The following PZP variants were observed in gnomAD, a reference collection of about 807,000 sequenced individuals.
PZP encodes PZP alpha-2-macroglobulin like.
A neutral mutation model predicts 179.8 loss-of-function variants in PZP; 150 were observed. That is an observed-to-expected ratio of 0.83 (90% CI 0.73 to 0.96). The LOEUF is 0.96. Among genes scored for constraint, PZP ranks in the 40% least tolerant of loss-of-function variants. The probability of loss-of-function intolerance (pLI) is 0.00; values close to 1 mark genes in which losing one functional copy is unlikely to be tolerated. For synonymous variants in PZP, 624 were observed against 652.3 expected (o/e 0.96, Z 0.66); for missense variants, 1,689 against 1,764.0 (o/e 0.96, Z 0.76).
At position 9,197,772 on chromosome 12, in the gene PZP, C is replaced by T. The variant is rs1459474386; in HGVS notation, c.756-649G>A. ...ATAATATATATAATTATATATTATA[C>T]AATACATAATATATATAATTATATA... On this transcript the variant is annotated intron_variant, in intron 7 of 35. Transcript: ENST00000261336. Among the ~76,000 whole-genome samples, 5 of 79,888 alleles carry T rather than the reference C, an allele frequency of 6.3e-5. No individual in the cohort carries two copies. In the South Asian group the frequency reaches 1.8e-3, roughly 29 times the overall value. 52.4% of individuals were successfully genotyped at this position (79,888 alleles called of 152,430 possible). A position where few individuals can be genotyped will look rare whatever the true frequency, so the allele number is the denominator to read the frequency against.
In PZP at chr12:9,198,259, G is replaced by A. The variant is rs774409179; in HGVS notation, c.756-1136C>T. On this transcript the variant is annotated intron_variant, in intron 7 of 35. Transcript: ENST00000261336. ...CTAGCTACTTAAGGAGGTTTAGGCA[G>A]GAGATTCACATAAGCCCAGGAGTTT... Among the ~76,000 whole-genome samples the A allele has an allele frequency of 3.3e-5, 5 of 151,996 alleles. No individual in the cohort carries two copies. The East Asian group carries it at 9.7e-4, about 29-fold the overall frequency.
intron 14 of PZP, 55 bp downstream of exon 14, chr12:9,181,920 G>T: frequency 6.4e-7 from 1 of 1,556,946 alleles, no homozygotes. Context: ...TAAAATAGAT[G>T]GCACCTACAG....
intron 15 of PZP, 114 bp downstream of exon 15, chr12:9,180,869 C>T (rs767191409): frequency 1.2e-5 from 14 of 1,190,022 alleles, no homozygotes; most frequent in Middle Eastern, 3.0e-4. Flanking sequence ...AGGCAACCTA[C>T]AAAATGGGAG....
intron 13 of PZP, 94 bp downstream of exon 13, chr12:9,192,099 A>G (rs1029153906): frequency 3.8e-6 from 4 of 1,066,026 alleles, no homozygotes; most frequent in Non-Finnish European, 5.8e-6. Context: ...TTGTGAAGGG[A>G]TGATGGAAAC....
chr12:9,163,462 A>C (rs1941365059), intron 21 of PZP, among the ~76,000 whole-genome samples: 1 of 152,144 alleles, frequency 6.6e-6, no homozygotes, highest in South Asian at 2.1e-4. Context: ...CAAAAAAAAA[A>C]AAGGAAATTG....
At position 9,159,972 on chromosome 12, in the gene PZP, C is replaced by T; in HGVS notation, c.3103G>A (p.Gly1035Arg). 6.2e-7 allele frequency: 1 copy of T among 1,613,878 alleles called. No individual in the cohort carries two copies. The highest frequency in any genetic ancestry group is 8.5e-7 in the Non-Finnish European group (1 of 1,179,868). The change falls in exon 25 of 36, where the codon GGG (glycine) becomes AGG (arginine). Residue 1035 changes from glycine (G) to arginine (R), a missense_variant. By Grantham distance (125) the Gly-to-Arg change is moderately radical. Coordinates refer to ENST00000261336, the MANE Select transcript of PZP (RefSeq NM_002864.3). ...CCCTGGTTCCTGCCATATCGTTCCC[C>T]AAAGGTGCTGTAGGAGCCATCTTGG... ...KHQDGSYSTF[G>R]ERYGRNQGNT... is the part of the protein sequence containing the mutation.
chr12:9,197,064 G>A lies in PZP; in HGVS notation c.815C>T (p.Ser272Phe), dbSNP rs2121160023. ...CTGCTTGTCACAATTAAGAACACGA[G>A]ATAATTTTCTACACAGGCTCACAGT... ...LATVSLCRKL[S>F]RVLNCDKQEV... Residue 272 changes from serine to phenylalanine, a missense_variant, in exon 8 of 36, where the codon TCT (serine) becomes TTT (phenylalanine). By Grantham distance (155) the Ser-to-Phe change is radical. Coordinates refer to ENST00000261336, the MANE Select transcript of PZP (RefSeq NM_002864.3). 1 of 1,613,490 alleles carries A rather than the reference G, an allele frequency of 6.2e-7. No homozygotes were observed. Among genetic ancestry groups the A allele is most frequent in the East Asian group, 2.2e-5 (1 of 44,794 alleles).
At chr12:9,163,327 C>T (rs1941351587) in intron 21 of PZP, among the ~76,000 whole-genome samples, 1 of 151,130 alleles carries the variant, frequency 6.6e-6, no homozygotes, top group Non-Finnish European at 1.5e-5. Flanking sequence ...TAGCCAGGCG[C>T]CTGTAGTCCC....
intron 8 of PZP, 96 bp downstream of exon 8, chr12:9,196,916 G>C (rs753032650): frequency 1.9e-6 from 2 of 1,030,834 alleles, no homozygotes; most frequent in South Asian, 3.0e-5. Context: ...GATATTTTGC[G>C]ACAAGCTTGT....
intron 13 of PZP, among the ~76,000 whole-genome samples, chr12:9,186,843 G>T (rs1943150118): frequency 7.6e-6 from 1 of 131,336 alleles, no homozygotes; most frequent in Non-Finnish European, 1.6e-5. Flanking sequence ...ACACACTGGG[G>T]CCTGTCGGGG....
At chr12:9,169,262 T>C (rs1941812910) in intron 16 of PZP, among the ~76,000 whole-genome samples, 168 bp downstream of exon 16, 1 of 152,216 alleles carries the variant, frequency 6.6e-6, no homozygotes. Flanking sequence ...TACTGAGCTT[T>C]TGTGTGATCC....
At chr12:9,139,322 A>G in the PZP span, among the ~76,000 whole-genome samples, 2 of 152,098 alleles carry the variant, frequency 1.3e-5, no homozygotes, top group African/African-American at 4.8e-5. Context: ...TAAATTTGTT[A>G]TAACTTATTT....
At chr12:9,155,328 T>A (rs1206839482) in intron 28 of PZP, among the ~76,000 whole-genome samples, 2 of 152,184 alleles carry the variant, frequency 1.3e-5, no homozygotes, top group Non-Finnish European at 2.9e-5. Flanking sequence ...ATCAGTCCGT[T>A]TTTGTTGTTT....
Position 9,182,056 on chromosome 12 carries a change from C to G in PZP, c.1608G>C (p.Met536Ile), listed in dbSNP as rs200286451. ...VESDVAPIAR[M>I]FIFAILPDGE... ...CATCTGGTAAAATGGCAAAGATGAACATTCGTGCAATGGGGGCAACGTCTG... is the reference window on the plus strand; with the variant it reads ...CATCTGGTAAAATGGCAAAGATGAAGATTCGTGCAATGGGGGCAACGTCTG... The change falls in exon 14 of 36, where the codon ATG (methionine) becomes ATC (isoleucine). Residue 536 changes from methionine to isoleucine, a missense_variant. Physicochemically the swap from Met to Ile is conservative, Grantham distance 10. Around this residue, in one of 3 missense-constraint regions of PZP, gnomAD observed 742 missense variants for 730.5 expected, o/e 1.02. Transcript: ENST00000261336. 6 of 1,613,856 alleles carry G rather than the reference C, an allele frequency of 3.7e-6. No homozygotes were observed. Among genetic ancestry groups the G allele is most frequent in the Non-Finnish European group, 4.2e-6 (5 of 1,179,860 alleles).
Position 9,202,223 on chromosome 12 carries a change from C to G in PZP, c.480+96G>C, listed in dbSNP as rs1337157312. ...TGGAGCCAAGTTCAAAAACAAGTGT[C>G]TTTCATCCTCTCGCTTTTCTTGTAC... is the stretch of plus-strand genomic sequence containing the variant. On this transcript the variant is annotated intron_variant, in intron 4 of 35. Transcript: ENST00000261336. 7 of 1,156,554 alleles carry G rather than the reference C, an allele frequency of 6.1e-6. No individual in the cohort carries two copies. The Admixed American group carries it at 1.2e-4, about 19-fold the overall frequency. The allele number at this position is 1,156,554 out of a possible 1,614,324, so 71.6% of individuals were successfully genotyped here.
At chr12:9,165,983 A>G (rs1476075515) in intron 18 of PZP, 69 bp downstream of exon 18, 2 of 1,518,482 alleles carry the variant, frequency 1.3e-6, no homozygotes, top group Non-Finnish European at 1.8e-6. Flanking sequence ...AGATTGTCTT[A>G]GAATTGAAAA....
intron 13 of PZP, among the ~76,000 whole-genome samples, chr12:9,182,390 A>G (rs902122853): frequency 6.0e-5 from 9 of 149,162 alleles, no homozygotes; most frequent in African/African-American, 2.0e-4. Context: ...GCCTAAATCA[A>G]TTAAATATCA....
intron 1 of PZP, among the ~76,000 whole-genome samples, chr12:9,206,438 C>T (rs1944444766): frequency 6.6e-6 from 1 of 152,084 alleles, no homozygotes; most frequent in African/African-American, 2.4e-5. Context: ...CCCAAGATGT[C>T]ATTGGTAGTG....
Position 9,203,838 on chromosome 12 carries a change from C to T in PZP, c.197G>A (p.Gly66Asp), listed in dbSNP as rs1211493268. 3 of 1,614,066 alleles carry T rather than the reference C, an allele frequency of 1.9e-6. No homozygotes were observed. Among genetic ancestry groups the T allele is most frequent in the Non-Finnish European group, 2.5e-6 (3 of 1,179,982 alleles). Residue 66 changes from glycine (G) to aspartate (D), a missense_variant, in exon 2 of 36, where the codon GGC (glycine) becomes GAC (aspartate). Gly to Asp is a moderately conservative substitution (Grantham distance 94). Coordinates refer to ENST00000261336, the MANE Select transcript of PZP (RefSeq NM_002864.3). ...TVTVSASLES[G>D]RENRSLFTDL... ...AGTGAAGAGGCTCCTGTTTTCCCTG[C>T]CAGACTCCAAGGAAGCACTTACAGT...
Sources: gnomAD v4.1 joint callset for allele counts (sites outside exome capture counted in the v4.1 genomes callset) on GRCh38, gnomAD v4.1.1 for gene constraint, gnomAD v4.1.1 regional missense constraint, MANE v1.5 for transcripts, NCBI Gene and HGNC (gene_info 2026-07-23, HGNC 2026-07-21) for gene names.